The following ABCB1 variants were observed in gnomAD, a reference collection of about 807,000 sequenced individuals.
ABCB1 encodes ATP binding cassette subfamily B member 1.
Under a neutral mutation model 142.0 loss-of-function variants are expected in ABCB1, and 69 were observed. The observed-to-expected ratio is 0.49, with a 90% CI of 0.40 to 0.59. ABCB1 has a LOEUF of 0.59. ABCB1 is among the 20% of genes least tolerant of loss of function. The pLI, the probability that ABCB1 is intolerant of heterozygous loss-of-function variation, is 0.00. For missense variants in ABCB1, 1,326 were observed against 1,554.7 expected, an observed-to-expected ratio of 0.85 and a Z score of 2.47; for synonymous variants, 532 against 539.2, an observed-to-expected ratio of 0.99 and a Z score of 0.18.
In ABCB1 at chr7:87,544,808, C is replaced by T. The variant is rs780656391; in HGVS notation, c.2064+15G>A. The T allele has an allele frequency of 8.7e-6, 14 of 1,613,694 alleles. No individual in the cohort carries two copies. The highest frequency in any genetic ancestry group is 1.3e-5 in the African/African-American group (1 of 74,916). On this transcript the variant is annotated intron_variant, in intron 16 of 27. Transcript: ENST00000622132. ...GTTAGTGAGATTAAAACAAACTCCG[C>T]ATCTCCCTTCATACCAGAGCCTCTT...
At chr7:87,581,555 T>C (rs1818506915) in intron 4 of ABCB1, among the ~76,000 whole-genome samples, 1 of 152,132 alleles carries the variant, frequency 6.6e-6, no homozygotes, top group Non-Finnish European at 1.5e-5. Context: ...ACATATTCTA[T>C]AATTAAACCA....
intron 1 of ABCB1, among the ~76,000 whole-genome samples, chr7:87,666,531 G>C (rs1005076366): frequency 6.6e-6 from 1 of 152,064 alleles, no homozygotes; most frequent in African/African-American, 2.4e-5. Context: ...TGTTGCAATT[G>C]CTTTTGGTTT....
chr7:87,686,935 G>T lies in ABCB1; in HGVS notation c.-331+26226C>A, dbSNP rs114314197. 3.5e-3 allele frequency among the ~76,000 whole-genome samples: 506 copies of T among 146,330 alleles called. 6 individuals are homozygous for T. Among genetic ancestry groups the T allele is most frequent in the African/African-American group, 0.012 (470 of 39,468 alleles). ...CACTCCAGCCTGGACAACAGAGGGA[G>T]ACTCTATCTCCAAAAGAAAAAAAAA... On this transcript the variant is annotated intron_variant, in intron 1 of 28. Coordinates refer to the ABCB1 transcript ENST00000265724.
At chr7:87,560,229 G>T (rs538743061) in intron 8 of ABCB1, among the ~76,000 whole-genome samples, 1 of 152,224 alleles carries the variant, frequency 6.6e-6, no homozygotes, top group Non-Finnish European at 1.5e-5. Context: ...CAAAAGCAAA[G>T]ACTTTAGCAA....
rs544004602 is a variant in ABCB1, at chr7:87,590,315, G to A, written c.118-4635C>T. On this transcript the variant is annotated intron_variant, in intron 3 of 27. Transcript: ENST00000622132. ...TGAAAGTTCCAGGCACCATTCTAGGGCATTTGGGTTATAGTAGAGAACAAA... is the reference window on the plus strand; with the variant it reads ...TGAAAGTTCCAGGCACCATTCTAGGACATTTGGGTTATAGTAGAGAACAAA... Among the ~76,000 whole-genome samples the A allele has an allele frequency of 1.0e-3, 152 of 152,210 alleles. 2 individuals carry two copies. Among genetic ancestry groups the A allele is most frequent in the African/African-American group, 3.6e-3 (149 of 41,526 alleles).
chr7:87,662,655 G>A (rs2130460709), intron 1 of ABCB1, among the ~76,000 whole-genome samples: 1 of 152,134 alleles, frequency 6.6e-6, no homozygotes, highest in African/African-American at 2.4e-5. Flanking sequence ...GATTACAATA[G>A]CCCTGTAGTA....
chr7:87,695,385 G>A (rs1828411056), intron 1 of ABCB1, among the ~76,000 whole-genome samples: 1 of 152,034 alleles, frequency 6.6e-6, no homozygotes, highest in South Asian at 2.1e-4. Context: ...TTATAAATTA[G>A]CAGTAAGAAA....
At chr7:87,568,269 A>T (rs11771798) in intron 5 of ABCB1, among the ~76,000 whole-genome samples, 20 of 30,220 alleles carry the variant, frequency 6.6e-4, no homozygotes, top group South Asian at 2.0e-3. Context: ...ATAATAATAA[A>T]AATTAGCCGG....
intron 1 of ABCB1, among the ~76,000 whole-genome samples, chr7:87,619,924 C>T (rs527629861): frequency 2.0e-5 from 3 of 152,120 alleles, no homozygotes; most frequent in East Asian, 1.9e-4. Flanking sequence ...AGAATTCAGC[C>T]GTGGATATAG....
At chr7:87,620,491 GT>G (rs201832825) in intron 1 of ABCB1, among the ~76,000 whole-genome samples, 5 of 151,180 alleles carry the variant, frequency 3.3e-5, no homozygotes, top group Admixed American at 2.6e-4. Flanking sequence ...CTTCAATAGG[GT>G]TTTTTTTTCT....
intron 8 of ABCB1, among the ~76,000 whole-genome samples, chr7:87,557,142 T>C (rs766740041): frequency 9.2e-5 from 14 of 152,196 alleles, no homozygotes; most frequent in Non-Finnish European, 2.1e-4. Flanking sequence ...TTTAAATCAA[T>C]ATTTTTATTT....
intron 1 of ABCB1, among the ~76,000 whole-genome samples, chr7:87,637,878 A>T (rs1563092749): frequency 6.6e-6 from 1 of 151,518 alleles, no homozygotes; most frequent in African/African-American, 2.4e-5. Context: ...TCCTTTTTCA[A>T]TCTTTATGGC....
intron 20 of ABCB1, among the ~76,000 whole-genome samples, chr7:87,533,613 T>C (rs765942886): frequency 3.3e-5 from 5 of 152,194 alleles, no homozygotes; most frequent in Non-Finnish European, 5.9e-5. Flanking sequence ...CTGTCCTACA[T>C]CTATTTCTAC....
chr7:87,710,646 A>G (rs866004904), intron 1 of ABCB1: 2 of 1,578,718 alleles, frequency 1.3e-6, no homozygotes, highest in Middle Eastern at 3.7e-4. Context: ...AGAGACTTCA[A>G]AACAACCAGG....
At chr7:87,647,709 AT>A (rs1330347461) in intron 1 of ABCB1, among the ~76,000 whole-genome samples, 2 of 152,306 alleles carry the variant, frequency 1.3e-5, no homozygotes, top group East Asian at 1.9e-4. Context: ...TAAAATACAC[AT>A]TTTGCCACTA....
intron 21 of ABCB1, among the ~76,000 whole-genome samples, chr7:87,525,181 C>T (rs1328583266): frequency 6.6e-6 from 1 of 152,098 alleles, no homozygotes; most frequent in African/African-American, 2.4e-5. Context: ...CAGTAATCAC[C>T]ATCAGGAGAG....
chr7:87,522,181 G>A, intron 21 of ABCB1: 1 of 1,445,446 alleles, frequency 6.9e-7, no homozygotes, highest in East Asian at 2.3e-5. Flanking sequence ...TAGTGGCAGT[G>A]GGGATGGCTA....
chr7:87,592,297 T>C (rs1346377070), intron 3 of ABCB1, among the ~76,000 whole-genome samples: 1 of 152,148 alleles, frequency 6.6e-6, no homozygotes, highest in Non-Finnish European at 1.5e-5. Flanking sequence ...GGAGCCAAAG[T>C]ATGAATGATT....
At chr7:87,587,812 T>G (rs1399029554) in intron 3 of ABCB1, among the ~76,000 whole-genome samples, 1 of 149,470 alleles carries the variant, frequency 6.7e-6, no homozygotes, top group Non-Finnish European at 1.5e-5. Flanking sequence ...GAGGCGGAGC[T>G]TGCAGTGAGC....
Sources: allele counts gnomAD v4.1 joint callset (sites outside exome capture counted in the v4.1 genomes callset), GRCh38; gene constraint gnomAD v4.1.1; transcripts MANE v1.5; gene names NCBI Gene and HGNC (gene_info 2026-07-23, HGNC 2026-07-21).